Variants in NSUN6 observed in about 807,000 individuals in gnomAD.
NSUN6 encodes the protein tRNA (cytosine(72)-C(5))-methyltransferase NSUN6.
In NSUN6, 64 loss-of-function variants were observed where a neutral mutation model predicts 58.0. That is an observed-to-expected ratio of 1.10 (90% CI 0.90 to 1.36). NSUN6 has a LOEUF of 1.36. NSUN6 is among the 40% of genes most tolerant of loss of function. NSUN6 has a pLI of 0.00. For synonymous variants in NSUN6, 231 were observed against 193.9 expected, an observed-to-expected ratio of 1.19 and a Z score of -1.59; for missense variants, 701 against 550.1, an observed-to-expected ratio of 1.27 and a Z score of -2.74.
At chr10:18,627,948 G>A (rs2058881281) in intron 3 of NSUN6, among the ~76,000 whole-genome samples, 1 of 152,260 alleles carries the variant, frequency 6.6e-6, no homozygotes, top group South Asian at 2.1e-4. Context: ...CTCCACCTCT[G>A]GGGGCAGGGC....
intron 6 of NSUN6, among the ~76,000 whole-genome samples, chr10:18,596,999 T>C (rs2057615123): frequency 1.3e-5 from 2 of 152,162 alleles, no homozygotes; most frequent in Non-Finnish European, 2.9e-5. Context: ...AAAGGCATGT[T>C]TGGGTCCCTG....
intron 8 of NSUN6, among the ~76,000 whole-genome samples, chr10:18,570,752 C>A (rs890084017): frequency 1.8e-4 from 27 of 151,132 alleles, no homozygotes; most frequent in Middle Eastern, 3.2e-3. Context: ...ATTCTCCATT[C>A]CATTCTCCAT....
intron 5 of NSUN6, among the ~76,000 whole-genome samples, chr10:18,611,812 C>A (rs940670443): frequency 6.6e-6 from 1 of 152,030 alleles, no homozygotes; most frequent in African/African-American, 2.4e-5. Context: ...CTCAAGTGAT[C>A]CTCCTGCCTT....
At chr10:18,608,954 C>T (rs2131310968) in intron 6 of NSUN6, among the ~76,000 whole-genome samples, 1 of 152,234 alleles carries the variant, frequency 6.6e-6, no homozygotes, top group African/African-American at 2.4e-5. Flanking sequence ...AATAAACGTC[C>T]GTTGTTCTGT....
At chr10:18,638,986 G>A (rs375978794) in intron 3 of NSUN6, among the ~76,000 whole-genome samples, 4 of 149,536 alleles carry the variant, frequency 2.7e-5, no homozygotes, top group Non-Finnish European at 4.4e-5. Flanking sequence ...CGGCCATGGT[G>A]GCTGGCACTT....
At chr10:18,575,321 A>G (rs995053337) in intron 8 of NSUN6, among the ~76,000 whole-genome samples, 1 of 152,218 alleles carries the variant, frequency 6.6e-6, no homozygotes, top group Admixed American at 6.6e-5. Flanking sequence ...AGTTCAGTCC[A>G]AAGTATCCAA....
intron 3 of NSUN6, among the ~76,000 whole-genome samples, chr10:18,633,048 C>A (rs1438669083): frequency 6.6e-6 from 1 of 151,680 alleles, no homozygotes; most frequent in African/African-American, 2.4e-5. Context: ...AAATGTGTCA[C>A]ATATACACCA....
rs879292600 is a variant in NSUN6 at position 18,601,977 on chromosome 10, G to GA, written c.658-5651dup. Among the ~76,000 whole-genome samples the GA allele has an allele frequency of 6.5e-3, 970 of 149,040 alleles. 6 individuals carry two copies. Among genetic ancestry groups the GA allele is most frequent in the Non-Finnish European group, 0.011 (756 of 67,046 alleles). ...GACAGACTAACACTCTATCTCGGGGGAAAAAAAAAGGGAAATAAATCCATC... is the reference window on the plus strand; with the variant it reads ...GACAGACTAACACTCTATCTCGGGGGAAAAAAAAAAGGGAAATAAATCCATC... On this transcript the variant is annotated intron_variant, in intron 6 of 10. Transcript: ENST00000377304.
chr10:18,561,734 T>C (rs2130876546), intron 8 of NSUN6, among the ~76,000 whole-genome samples: 1 of 138,118 alleles, frequency 7.2e-6, no homozygotes, highest in South Asian at 2.2e-4. Flanking sequence ...GAATAGAATA[T>C]GGAATAGAAT....
intron 3 of NSUN6, among the ~76,000 whole-genome samples, chr10:18,632,595 G>A (rs2131493368): frequency 6.6e-6 from 1 of 152,030 alleles, no homozygotes; most frequent in South Asian, 2.1e-4. Flanking sequence ...AGTGGGCGAA[G>A]GACATGAACA....
At chr10:18,618,932 A>ACT (rs2131374877) in intron 3 of NSUN6, among the ~76,000 whole-genome samples, 1 of 150,936 alleles carries the variant, frequency 6.6e-6, no homozygotes, top group East Asian at 1.9e-4. Flanking sequence ...TTTATGTTTT[A>ACT]CTCTTTCATT....
rs1222242327 is a variant in NSUN6 at position 18,634,920 on chromosome 10, A to C, written c.311+7556T>G. ...TTGCTTGAGAGGATGGGTCTTGGCT[A>C]GCTAAGCAGCTAGAAACTGGAATGA... On this transcript the variant is annotated intron_variant, in intron 3 of 10. Coordinates refer to ENST00000377304, the MANE Select transcript of NSUN6 (RefSeq NM_182543.5). Among the ~76,000 whole-genome samples the C allele has an allele frequency of 2.0e-5, 3 of 152,234 alleles. No individual in the cohort carries two copies. The East Asian group carries it at 5.8e-4, about 29-fold the overall frequency.
At chr10:18,560,908 AATGGAATGGAATGGAGC>A (rs1487899377) in intron 8 of NSUN6, among the ~76,000 whole-genome samples, 1 of 150,354 alleles carries the variant, frequency 6.7e-6, no homozygotes, top group Non-Finnish European at 1.5e-5. Context: ...TGGTATGGAG[AATGGAATGGAATGGAGC>A]ATAGAATGGA....
At chr10:18,552,401 T>C (rs2054662607) in intron 8 of NSUN6, among the ~76,000 whole-genome samples, 1 of 152,162 alleles carries the variant, frequency 6.6e-6, no homozygotes, top group African/African-American at 2.4e-5. Context: ...TGAGTCTCCT[T>C]GTTTCTGTGG....
intron 7 of NSUN6, among the ~76,000 whole-genome samples, chr10:18,590,057 A>C (rs1220099368): frequency 6.6e-6 from 1 of 152,180 alleles, no homozygotes. Flanking sequence ...AAAGGAATGG[A>C]GGAATATTTA....
intron 8 of NSUN6, among the ~76,000 whole-genome samples, chr10:18,563,198 A>G (rs1190779842): frequency 1.4e-5 from 2 of 147,984 alleles, no homozygotes; most frequent in Non-Finnish European, 3.0e-5. Context: ...ATGGAATGGA[A>G]TGGAGAATGG....
intron 8 of NSUN6, among the ~76,000 whole-genome samples, chr10:18,585,206 A>G (rs1330104737): frequency 6.6e-6 from 1 of 152,210 alleles, no homozygotes; most frequent in Non-Finnish European, 1.5e-5. Flanking sequence ...AAACTCTTTT[A>G]CATTGTTGGT....
intron 8 of NSUN6, among the ~76,000 whole-genome samples, chr10:18,562,797 T>TGGAGG (rs2055629281): frequency 7.8e-6 from 1 of 128,236 alleles, no homozygotes; most frequent in African/African-American, 3.0e-5. Context: ...TGGAATGGAG[T>TGGAGG]GGAGAATGGA....
intron 6 of NSUN6, among the ~76,000 whole-genome samples, chr10:18,605,601 T>C (rs1157419120): frequency 6.6e-6 from 1 of 152,192 alleles, no homozygotes; most frequent in Non-Finnish European, 1.5e-5. Flanking sequence ...AACATAAATA[T>C]ATGTGTTGTG....
Sources: allele counts gnomAD v4.1 joint callset (sites outside exome capture counted in the v4.1 genomes callset), GRCh38; gene constraint gnomAD v4.1.1; transcripts MANE v1.5; gene names NCBI Gene and HGNC (gene_info 2026-07-23, HGNC 2026-07-21).